The following LHFPL6 variants were observed in gnomAD, a reference collection of about 807,000 sequenced individuals.
The protein encoded by LHFPL6 is LHFPL tetraspan subfamily member 6, also known as LHFPL tetraspan subfamily member 6 protein.
A neutral mutation model predicts 20.6 loss-of-function variants in LHFPL6; 9 were observed. The observed-to-expected ratio is 0.44, with a 90% CI of 0.26 to 0.76. The LOEUF is 0.76. LHFPL6 is among the 30% of genes least tolerant of loss of function. The probability of loss-of-function intolerance (pLI) is 0.20; values close to 1 mark genes in which losing one functional copy is unlikely to be tolerated. For synonymous variants in LHFPL6, 105 were observed against 98.7 expected (o/e 1.06, Z -0.38); for missense variants, 218 against 253.5 (o/e 0.86, Z 0.95).
chr13:39,398,469 C>G (rs1431627411), intron 2 of LHFPL6, among the ~76,000 whole-genome samples: 1 of 152,196 alleles, frequency 6.6e-6, no homozygotes, highest in Non-Finnish European at 1.5e-5. Flanking sequence ...AAGGGTAAAG[C>G]CTTTCTGCAA....
chr13:39,424,641 CG>C (rs1250122665), intron 2 of LHFPL6, among the ~76,000 whole-genome samples: 1 of 151,900 alleles, frequency 6.6e-6, no homozygotes, highest in African/African-American at 2.4e-5. Context: ...TTTAATATTA[CG>C]GGGATTGTTA....
At chr13:39,548,458 G>A (rs936426197) in intron 2 of LHFPL6, among the ~76,000 whole-genome samples, 1 of 152,116 alleles carries the variant, frequency 6.6e-6, no homozygotes, top group Admixed American at 6.5e-5. Flanking sequence ...CATAACTCCC[G>A]ATGGTCAGCA....
intron 2 of LHFPL6, among the ~76,000 whole-genome samples, chr13:39,444,962 C>T (rs1339223530): frequency 6.6e-6 from 1 of 152,150 alleles, no homozygotes; most frequent in Admixed American, 6.6e-5. Flanking sequence ...TGGACTGAGC[C>T]CAGCAAAGCC....
At chr13:39,474,338 AT>A in intron 2 of LHFPL6, among the ~76,000 whole-genome samples, 1 of 152,210 alleles carries the variant, frequency 6.6e-6, no homozygotes, top group East Asian at 1.9e-4. Flanking sequence ...CATGAAGAGA[AT>A]TTCACTTGTT....
chr13:39,578,121 G>A (rs1872173102), intron 2 of LHFPL6, among the ~76,000 whole-genome samples: 1 of 152,052 alleles, frequency 6.6e-6, no homozygotes, highest in Non-Finnish European at 1.5e-5. Context: ...AAATACACAC[G>A]GGCAGCATGT....
chr13:39,447,967 T>A (rs1368348531), intron 2 of LHFPL6, among the ~76,000 whole-genome samples: 1 of 152,164 alleles, frequency 6.6e-6, no homozygotes, highest in African/African-American at 2.4e-5. Flanking sequence ...TCATTCTAAT[T>A]CCTTGACCCT....
intron 2 of LHFPL6, among the ~76,000 whole-genome samples, chr13:39,516,618 A>C (rs956844497): frequency 2.0e-5 from 3 of 152,238 alleles, no homozygotes; most frequent in African/African-American, 7.2e-5. Flanking sequence ...TGATGAATAT[A>C]TAATGCAGGA....
chr13:39,386,448 C>T (rs1449680987), intron 2 of LHFPL6, among the ~76,000 whole-genome samples: 2 of 152,130 alleles, frequency 1.3e-5, no homozygotes, highest in Non-Finnish European at 2.9e-5. Flanking sequence ...GAAACTGAGG[C>T]ACAGAGGATG....
intron 2 of LHFPL6, among the ~76,000 whole-genome samples, chr13:39,489,699 C>A (rs755834143): frequency 6.6e-6 from 1 of 151,796 alleles, no homozygotes; most frequent in Non-Finnish European, 1.5e-5. Flanking sequence ...ACTACAGGCA[C>A]GCACCACCAT....
chr13:39,358,162 A>G (rs1869776974), intron 3 of LHFPL6, among the ~76,000 whole-genome samples: 1 of 152,156 alleles, frequency 6.6e-6, no homozygotes, highest in South Asian at 2.1e-4. Flanking sequence ...AAATTTACAA[A>G]AACCAAAACA....
In LHFPL6 at chr13:39,343,863, G is replaced by A; in HGVS notation, c.*73C>T. ...AGAACTACTATCCCACCTTTTGAAG[G>A]TAGGTGGATGTTTTGACCTCTCCAA... On this transcript the variant is annotated 3_prime_UTR_variant, in exon 4 of 4. Transcript: ENST00000379589. The A allele has an allele frequency of 9.8e-7, 1 of 1,020,848 alleles. No homozygotes were observed. The highest frequency in any genetic ancestry group is 1.5e-6 in the Non-Finnish European group (1 of 662,536). The allele number at this position is 1,020,848 out of a possible 1,614,324, so 63.2% of individuals were successfully genotyped here.
At chr13:39,371,441 A>G (rs1055595933) in intron 3 of LHFPL6, among the ~76,000 whole-genome samples, 2 of 152,248 alleles carry the variant, frequency 1.3e-5, no homozygotes, top group African/African-American at 2.4e-5. Flanking sequence ...AAGAATAAAG[A>G]TTGATCAGCC....
chr13:39,561,065 TC>T (rs1871463876), intron 2 of LHFPL6, among the ~76,000 whole-genome samples: 1 of 151,788 alleles, frequency 6.6e-6, no homozygotes, highest in Non-Finnish European at 1.5e-5. Flanking sequence ...GGGGTCCACA[TC>T]CATGGTGCTC....
At chr13:39,545,233 G>A (rs11619916) in intron 2 of LHFPL6, among the ~76,000 whole-genome samples, 45,777 of 131,622 alleles carry the variant, frequency 0.35, 7,694 homozygotes, top group Middle Eastern at 0.55. Flanking sequence ...GTGACAGAGC[G>A]AGACTCCGTC....
At chr13:39,517,489 T>C (rs544985924) in intron 2 of LHFPL6, among the ~76,000 whole-genome samples, 1 of 152,320 alleles carries the variant, frequency 6.6e-6, no homozygotes, top group African/African-American at 2.4e-5. Flanking sequence ...CATCATCCTT[T>C]ATCACTATTG....
chr13:39,424,006 A>C (rs1168420691), intron 2 of LHFPL6, among the ~76,000 whole-genome samples: 1 of 152,228 alleles, frequency 6.6e-6, no homozygotes, highest in African/African-American at 2.4e-5. Context: ...AGTAAAGGCA[A>C]GGGGAAGGAA....
At chr13:39,409,254 G>C (rs1566104894) in intron 2 of LHFPL6, among the ~76,000 whole-genome samples, 2 of 152,076 alleles carry the variant, frequency 1.3e-5, no homozygotes, top group Non-Finnish European at 2.9e-5. Flanking sequence ...AGGAGTTCTA[G>C]ACTACCCTGG....
intron 2 of LHFPL6, among the ~76,000 whole-genome samples, chr13:39,388,910 C>T (rs935450550): frequency 6.6e-6 from 1 of 152,144 alleles, no homozygotes; most frequent in Non-Finnish European, 1.5e-5. Context: ...GCTTGTAGAG[C>T]GATTTACACT....
In LHFPL6 at chr13:39,479,038, GATAGATAGAT is replaced by G. The variant is rs1566120787; in HGVS notation, c.386-100522_386-100513del. Among the ~76,000 whole-genome samples the G allele has an allele frequency of 2.4e-4, 24 of 99,214 alleles. No homozygotes were observed. In the South Asian group the frequency reaches 3.8e-3, roughly 16 times the overall value. The allele number at this position is 99,214 out of a possible 152,430, so 65.1% of individuals were successfully genotyped here. ...GAAGCACCAATGGGAGATAGATATA[GATAGATAGAT>G]AGATAGATAGATAGATAGATAGATA... is the stretch of plus-strand genomic sequence containing the variant. On this transcript the variant is annotated intron_variant, in intron 2 of 3. Coordinates refer to ENST00000379589, the MANE Select transcript of LHFPL6 (RefSeq NM_005780.3).
Sources: gnomAD v4.1 joint callset for allele counts (sites outside exome capture counted in the v4.1 genomes callset) on GRCh38, gnomAD v4.1.1 for gene constraint, MANE v1.5 for transcripts, NCBI Gene and HGNC (gene_info 2026-07-23, HGNC 2026-07-21) for gene names.